The following ADGRB3 variants were observed in gnomAD, a reference collection of about 807,000 sequenced individuals.
The protein encoded by ADGRB3 is adhesion G protein-coupled receptor B3, also known as brain-specific angiogenesis inhibitor 3.
A neutral mutation model predicts 193.4 loss-of-function variants in ADGRB3; 37 were observed. That is an observed-to-expected ratio of 0.19 (90% CI 0.15 to 0.25). The LOEUF is 0.25. Ranked by LOEUF, ADGRB3 falls within the 10% of genes least tolerant of loss-of-function variation. The pLI, the probability that ADGRB3 is intolerant of heterozygous loss-of-function variation, is 1.00. For synonymous variants in ADGRB3, 690 were observed against 644.2 expected, an observed-to-expected ratio of 1.07 and a Z score of -1.08; for missense variants, 1,637 against 1,852.9, an observed-to-expected ratio of 0.88 and a Z score of 2.14.
At chr6:68,960,817 G>A (rs1768212145) in intron 8 of ADGRB3, among the ~76,000 whole-genome samples, 1 of 152,154 alleles carries the variant, frequency 6.6e-6, no homozygotes, top group African/African-American at 2.4e-5. Flanking sequence ...TTCTGACTCA[G>A]TAGGTCTTGA....
At chr6:69,281,309 C>T (rs1170271522) in intron 20 of ADGRB3, among the ~76,000 whole-genome samples, 2 of 152,172 alleles carry the variant, frequency 1.3e-5, no homozygotes, top group African/African-American at 4.8e-5. Context: ...TTGAGCCTAT[C>T]TTCAGACACA....
chr6:69,140,841 A>C (rs991114403), intron 17 of ADGRB3, among the ~76,000 whole-genome samples: 4 of 152,094 alleles, frequency 2.6e-5, no homozygotes, highest in Non-Finnish European at 5.9e-5. Context: ...GAATTCCTAG[A>C]TAGAGTTAAG....
intron 17 of ADGRB3, among the ~76,000 whole-genome samples, chr6:69,157,879 T>C (rs1300729938): frequency 1.3e-5 from 2 of 152,110 alleles, no homozygotes; most frequent in Non-Finnish European, 2.9e-5. Flanking sequence ...TCTGCCATCA[T>C]TGAGCTGCTG....
intron 17 of ADGRB3, among the ~76,000 whole-genome samples, chr6:69,088,331 A>G (rs1454270674): frequency 1.1e-4 from 16 of 152,140 alleles, no homozygotes; most frequent in Non-Finnish European, 7.4e-5. Flanking sequence ...ATCTAGTTCA[A>G]TATATACAAT....
chr6:69,069,481 G>A (rs1031787308), intron 16 of ADGRB3, among the ~76,000 whole-genome samples: 13 of 146,282 alleles, frequency 8.9e-5, no homozygotes, highest in Admixed American at 7.8e-4. Context: ...AGGCTGAGGC[G>A]GGTGGATCAT....
Position 68,814,210 on chromosome 6 carries a change from C to T in ADGRB3, c.758-116349C>T, listed in dbSNP as rs545135999. Among the ~76,000 whole-genome samples the T allele has an allele frequency of 5.4e-3, 826 of 152,262 alleles. 7 individuals are homozygous for T. Among genetic ancestry groups the T allele is most frequent in the African/African-American group, 0.019 (780 of 41,564 alleles). On this transcript the variant is annotated intron_variant, in intron 3 of 31. Coordinates refer to ENST00000370598, the MANE Select transcript of ADGRB3 (RefSeq NM_001704.3). ...TGTTCCTATTTCTCCACATCCTCTC[C>T]GGCACCTGTTGTTTCCTGACTTTTT...
At position 68,644,531 on chromosome 6, in the gene ADGRB3, C is replaced by T. The variant is rs140971622; in HGVS notation, c.757+5099C>T. On this transcript the variant is annotated intron_variant, in intron 3 of 31. Transcript: ENST00000370598. ...GACATTTTGCAAATCCTCTCCTCCA[C>T]ACTTTGAAGATAAACATAAGCTGTC... Among the ~76,000 whole-genome samples the T allele has an allele frequency of 1.9e-3, 294 of 152,230 alleles. 3 individuals are homozygous for T. The highest frequency in any genetic ancestry group is 6.8e-3 in the African/African-American group (283 of 41,542).
intron 3 of ADGRB3, among the ~76,000 whole-genome samples, chr6:68,683,933 A>G (rs1764939010): frequency 6.6e-6 from 1 of 152,228 alleles, no homozygotes; most frequent in African/African-American, 2.4e-5. Context: ...TGTGGCTGGT[A>G]GGAACACTAA....
At chr6:68,720,975 G>T (rs563072023) in intron 3 of ADGRB3, among the ~76,000 whole-genome samples, 1 of 151,906 alleles carries the variant, frequency 6.6e-6, no homozygotes, top group South Asian at 2.1e-4. Flanking sequence ...AAATGGGCGA[G>T]ATATACACCT....
At chr6:69,125,587 T>C (rs1773830082) in intron 17 of ADGRB3, among the ~76,000 whole-genome samples, 1 of 152,164 alleles carries the variant, frequency 6.6e-6, no homozygotes, top group Non-Finnish European at 1.5e-5. Flanking sequence ...CTGAATCTGC[T>C]GTCACCTTGA....
At chr6:69,293,826 G>C (rs1448832027) in intron 20 of ADGRB3, among the ~76,000 whole-genome samples, 2 of 152,152 alleles carry the variant, frequency 1.3e-5, no homozygotes, top group African/African-American at 4.8e-5. Flanking sequence ...GTCTGGAAGG[G>C]GGTGGGGGGA....
chr6:68,946,344 C>T (rs1331018883), intron 6 of ADGRB3, among the ~76,000 whole-genome samples: 2 of 152,082 alleles, frequency 1.3e-5, no homozygotes, highest in African/African-American at 2.4e-5. Context: ...AAAGCATCAT[C>T]AACTATCAAT....
chr6:69,015,391 A>G (rs533253369), intron 12 of ADGRB3, among the ~76,000 whole-genome samples: 12 of 152,106 alleles, frequency 7.9e-5, no homozygotes, highest in South Asian at 2.1e-4. Flanking sequence ...ATATTCTTAT[A>G]TTTAAAATAT....
intron 3 of ADGRB3, among the ~76,000 whole-genome samples, chr6:68,785,838 T>A (rs1184897900): frequency 1.3e-5 from 2 of 152,212 alleles, no homozygotes; most frequent in African/African-American, 2.4e-5. Flanking sequence ...GACTTTTTAA[T>A]GATCGCCATT....
Position 69,049,222 on chromosome 6 carries a change from A to G in ADGRB3, c.2258-49A>G, listed in dbSNP as rs60380231. ...TTAGCAGATTAAAGTTTTATAAGAC[A>G]TAGTATTTTCTTGCTGTTTGCTAAT... On this transcript the variant is annotated intron_variant, in intron 14 of 31. Transcript: ENST00000370598. The G allele has an allele frequency of 2.7e-3, 3,545 of 1,333,946 alleles. 61 individuals carry two copies. In the African/African-American group the frequency reaches 0.035, roughly 13 times the overall value. 82.6% of individuals were successfully genotyped at this position (1,333,946 alleles called of 1,614,324 possible).
chr6:69,043,083 GA>G (rs1209356082), intron 13 of ADGRB3, among the ~76,000 whole-genome samples: 4 of 152,008 alleles, frequency 2.6e-5, no homozygotes, highest in African/African-American at 9.7e-5. Flanking sequence ...TGGAAATACT[GA>G]ATTTGACATT....
At chr6:68,869,190 A>G (rs1055595366) in intron 3 of ADGRB3, among the ~76,000 whole-genome samples, 2 of 152,222 alleles carry the variant, frequency 1.3e-5, no homozygotes, top group Non-Finnish European at 2.9e-5. Flanking sequence ...TATTCCATGC[A>G]TCTATCACTT....
At chr6:68,839,186 G>C (rs1032773788) in intron 3 of ADGRB3, among the ~76,000 whole-genome samples, 2 of 151,992 alleles carry the variant, frequency 1.3e-5, no homozygotes, top group African/African-American at 4.8e-5. Context: ...TCCTCATTGT[G>C]AGCTGCTATA....
At chr6:68,927,920 G>T (rs375379777) in intron 3 of ADGRB3, among the ~76,000 whole-genome samples, 1 of 151,978 alleles carries the variant, frequency 6.6e-6, no homozygotes, top group Admixed American at 6.6e-5. Flanking sequence ...TATGTAATAA[G>T]TTTGTAATCA....
Sources: gnomAD v4.1 joint callset for allele counts (sites outside exome capture counted in the v4.1 genomes callset) on GRCh38, gnomAD v4.1.1 for gene constraint, MANE v1.5 for transcripts, NCBI Gene and HGNC (gene_info 2026-07-23, HGNC 2026-07-21) for gene names.